The following SLC29A3 variants were observed in gnomAD, a reference collection of about 807,000 sequenced individuals.
SLC29A3 encodes the protein solute carrier family 29 member 3.
A neutral mutation model predicts 25.4 loss-of-function variants in SLC29A3; 18 were observed. The observed-to-expected ratio is 0.71, with a 90% CI of 0.49 to 1.05. The LOEUF is 1.05. Among genes scored for constraint, SLC29A3 ranks in the 50% least tolerant of loss-of-function variants. The pLI, the probability that SLC29A3 is intolerant of heterozygous loss-of-function variation, is 0.00. For missense variants in SLC29A3, 586 were observed against 609.0 expected (o/e 0.96, Z 0.40); for synonymous variants, 258 against 267.1 (o/e 0.97, Z 0.33).
chr10:71,330,417 A>C (rs952425734), intron 2 of SLC29A3, among the ~76,000 whole-genome samples: 3 of 152,168 alleles, frequency 2.0e-5, no homozygotes, highest in Admixed American at 2.0e-4. Context: ...CTGTTCCCAG[A>C]GGTTTAAAAG....
chr10:71,348,118 C>T (rs1221693428), intron 3 of SLC29A3, among the ~76,000 whole-genome samples: 6 of 152,236 alleles, frequency 3.9e-5, no homozygotes, highest in East Asian at 1.9e-4. Flanking sequence ...TCCCCACCCC[C>T]GGGTGCTACT....
rs1269080675 is a variant in SLC29A3 at position 71,333,668 on chromosome 10, C to T, written c.301-10541C>T. ...CCTCTGGGGGATGCAGAAGCCTGCCCGGTCAGGCAAGAGTAGGTGGGGTGT... is the reference window on the plus strand; with the variant it reads ...CCTCTGGGGGATGCAGAAGCCTGCCTGGTCAGGCAAGAGTAGGTGGGGTGT... On this transcript the variant is annotated intron_variant, in intron 2 of 5. Transcript: ENST00000373189. Among the ~76,000 whole-genome samples, 9 of 152,380 alleles carry T rather than the reference C, an allele frequency of 5.9e-5. No individual in the cohort carries two copies. The East Asian group carries it at 1.3e-3, about 23-fold the overall frequency.
chr10:71,377,077 C>T (rs1847257909), intron 4 of SLC29A3, among the ~76,000 whole-genome samples: 1 of 152,202 alleles, frequency 6.6e-6, no homozygotes, highest in Non-Finnish European at 1.5e-5. Flanking sequence ...TGTCTTTTCT[C>T]AAGGTCACTT....
intron 3 of SLC29A3, among the ~76,000 whole-genome samples, chr10:71,369,996 C>T (rs1477833056): frequency 6.6e-6 from 1 of 152,170 alleles, no homozygotes; most frequent in African/African-American, 2.4e-5. Flanking sequence ...GGGGGAGAAG[C>T]AGAGTCAGGA....
At chr10:71,325,195 G>A (rs1400327285) in intron 2 of SLC29A3, among the ~76,000 whole-genome samples, 7 of 152,298 alleles carry the variant, frequency 4.6e-5, no homozygotes, top group East Asian at 1.9e-4. Flanking sequence ...GCCTCGCCCT[G>A]AGGAGCTGTC....
Position 71,351,665 on chromosome 10 carries a change from G to A in SLC29A3, c.487G>A (p.Gly163Ser). 6.2e-7 allele frequency: 1 copy of A among 1,614,138 alleles called. No homozygotes were observed. The highest frequency in any genetic ancestry group is 8.5e-7 in the Non-Finnish European group (1 of 1,179,988). The stretch of plus-strand genomic sequence containing the variant: ...GGTGGACACTTCCTCCTGGACCCGT[G>A]GCTTTTTTGCGGTCACCATTGTCTG... ...VKVDTSSWTR[G>S]FFAVTIVCMV... The change falls in exon 4 of 6, where the codon GGC becomes AGC. Residue 163 changes from glycine to serine, a missense_variant. Coordinates refer to ENST00000373189, the MANE Select transcript of SLC29A3 (RefSeq NM_018344.6).
At chr10:71,356,831 T>C (rs552029111) in intron 5 of SLC29A3, among the ~76,000 whole-genome samples, 1 of 151,972 alleles carries the variant, frequency 6.6e-6, no homozygotes, top group Non-Finnish European at 1.5e-5. Flanking sequence ...TCTCTGAAAA[T>C]GAACAAACAA....
Position 71,362,623 on chromosome 10 carries a change from G to T in SLC29A3, c.*15G>T, listed in dbSNP as rs1234120212. 9.9e-6 allele frequency: 16 copies of T among 1,614,104 alleles called. No homozygotes were observed. Among genetic ancestry groups the T allele is most frequent in the Non-Finnish European group, 1.4e-5 (16 of 1,180,040 alleles). ...ACCTCATCTAGAAGGGAGGACACAA[G>T]GACATTGGTGCTTCAGAGCCTTTGA... On this transcript the variant is annotated 3_prime_UTR_variant, in exon 6 of 6. Coordinates refer to ENST00000373189, the MANE Select transcript of SLC29A3 (RefSeq NM_018344.6).
chr10:71,355,603 G>A (rs1321356659), intron 4 of SLC29A3, among the ~76,000 whole-genome samples: 4 of 152,156 alleles, frequency 2.6e-5, no homozygotes, highest in Non-Finnish European at 5.9e-5. Context: ...TGGGCAGCAG[G>A]GGACCCTATG....
chr10:71,321,019 G>C (rs1481937940), intron 1 of SLC29A3, among the ~76,000 whole-genome samples: 3 of 152,162 alleles, frequency 2.0e-5, no homozygotes, highest in Non-Finnish European at 4.4e-5. Flanking sequence ...ACCTTTCTGA[G>C]CCTCAGACCC....
chr10:71,342,135 G>A (rs780663), intron 2 of SLC29A3, among the ~76,000 whole-genome samples: 2,124 of 152,266 alleles, frequency 0.014, 35 homozygotes, highest in Middle Eastern at 0.034. Flanking sequence ...CACGGATCAC[G>A]GGCCACCTTA....
chr10:71,360,515 A>G (rs1005883674), intron 5 of SLC29A3, among the ~76,000 whole-genome samples: 22 of 152,206 alleles, frequency 1.4e-4, no homozygotes, highest in Admixed American at 1.3e-4. Context: ...TTTTGAAGGA[A>G]CTAAACAGGT....
chr10:71,335,033 C>G (rs3781314), intron 2 of SLC29A3, among the ~76,000 whole-genome samples: 82,987 of 149,394 alleles, frequency 0.56, 24,799 homozygotes, highest in African/African-American at 0.79. Context: ...CACATACAAG[C>G]TGCTTGGCCA....
chr10:71,356,099 C>T lies in SLC29A3; in HGVS notation c.629C>T (p.Thr210Met), dbSNP rs146654579. The T allele has an allele frequency of 8.5e-5, 137 of 1,614,116 alleles. No individual in the cohort carries two copies. In the African/African-American group the frequency reaches 1.5e-3, roughly 18 times the overall value. Residue 210 changes from threonine (T) to methionine (M), a missense_variant, in exon 5 of 6, where the codon ACG becomes ATG. Physicochemically the swap from Thr to Met is moderately conservative, Grantham distance 81. Coordinates refer to ENST00000373189, the MANE Select transcript of SLC29A3 (RefSeq NM_018344.6). ...ALISGGAMGG[T>M]VSAVASLVDL... ...TCTGCAGGAGGAGCCATGGGCGGGA[C>T]GGTCAGCGCCGTGGCCTCATTGGTG... is the stretch of plus-strand genomic sequence containing the variant.
rs940027665 is a variant in SLC29A3, at chr10:71,340,543, C to A, written c.301-3666C>A. 3.9e-5 allele frequency among the ~76,000 whole-genome samples: 6 copies of A among 152,180 alleles called. No homozygotes were observed. In the South Asian group the frequency reaches 8.3e-4, roughly 21 times the overall value. On this transcript the variant is annotated intron_variant, in intron 2 of 5. Transcript: ENST00000373189. Reference sequence around the variant, plus strand: ...AAATCAAAACAGACTTTTGAGGGAGCTCTCAGGAATCAGGCCCCAGTGGAG... The same window carrying A: ...AAATCAAAACAGACTTTTGAGGGAGATCTCAGGAATCAGGCCCCAGTGGAG...
chr10:71,355,448 TGTGA>T (rs1846877154), intron 4 of SLC29A3, among the ~76,000 whole-genome samples: 1 of 152,194 alleles, frequency 6.6e-6, no homozygotes, highest in Non-Finnish European at 1.5e-5. Context: ...TGACTGTGTG[TGTGA>T]GTGTTGTATG....
At position 71,356,240 on chromosome 10, in the gene SLC29A3, C is replaced by T. The variant is rs148164425; in HGVS notation, c.770C>T (p.Ala257Val). 2.2e-5 allele frequency: 35 copies of T among 1,613,276 alleles called. No individual in the cohort carries two copies. The African/African-American group carries it at 2.8e-4, about 13-fold the overall frequency. ...LYLLLSRLEY[A>V]RYYMRPVLAA... ...CTGCTGCTGTCCAGGCTGGAGTATG[C>T]CAGGTGAAGGTGCCACTCACTGTCC... Residue 257 changes from alanine (A) to valine (V), a missense_variant, in exon 5 of 6, where the codon GCC becomes GTC. Ala to Val is a moderately conservative substitution (Grantham distance 64). Coordinates refer to ENST00000373189, the MANE Select transcript of SLC29A3 (RefSeq NM_018344.6).
At chr10:71,348,942 A>G (rs1846670836) in intron 3 of SLC29A3, among the ~76,000 whole-genome samples, 1 of 152,228 alleles carries the variant, frequency 6.6e-6, no homozygotes, top group African/African-American at 2.4e-5. Flanking sequence ...AGGAGGGACA[A>G]GAACACAGTC....
chr10:71,357,304 A>T (rs1369968790), intron 5 of SLC29A3, among the ~76,000 whole-genome samples: 1 of 151,978 alleles, frequency 6.6e-6, no homozygotes, highest in Non-Finnish European at 1.5e-5. Context: ...AGTCCCAGCT[A>T]CTCGGGCGGC....
Sources: allele counts gnomAD v4.1 joint callset (sites outside exome capture counted in the v4.1 genomes callset), GRCh38; gene constraint gnomAD v4.1.1; transcripts MANE v1.5; gene names NCBI Gene and HGNC (gene_info 2026-07-23, HGNC 2026-07-21).